The following SHMT2 variants were observed in gnomAD, a reference collection of about 807,000 sequenced individuals.
SHMT2 encodes serine hydroxymethyltransferase 2.
A neutral mutation model predicts 59.6 loss-of-function variants in SHMT2; 38 were observed. The observed-to-expected ratio is 0.64, with a 90% CI of 0.49 to 0.84. SHMT2 has a LOEUF of 0.84. Ranked by LOEUF, SHMT2 falls within the 40% of genes least tolerant of loss-of-function variation. SHMT2 has a pLI of 0.00. For missense variants in SHMT2, 533 were observed against 659.5 expected, an observed-to-expected ratio of 0.81 and a Z score of 2.10; for synonymous variants, 254 against 258.1, an observed-to-expected ratio of 0.98 and a Z score of 0.15.
In SHMT2 at chr12:57,232,236, G is replaced by A. The variant is rs1028301753; in HGVS notation, c.538G>A (p.Val180Ile). ...GHLTHGYMSD[V>I]KRISATSIFF... ...TCTCACCCACGGCTACATGTCTGAC[G>A]TCAAGCGGATATCAGCCACGTCCAT... Residue 180 changes from valine to isoleucine, a missense_variant, in exon 5 of 12, where the codon GTC becomes ATC. Transcript: ENST00000328923. 3.1e-6 allele frequency: 5 copies of A among 1,614,052 alleles called. No individual in the cohort carries two copies. The highest frequency in any genetic ancestry group is 1.1e-5 in the South Asian group (1 of 91,092).
rs777820153 is a variant in SHMT2, at chr12:57,231,473, C to T, written c.232-8C>T. 6.2e-7 allele frequency: 1 copy of T among 1,613,554 alleles called. No individual in the cohort carries two copies. Among genetic ancestry groups the T allele is most frequent in the Admixed American group, 1.7e-5 (1 of 59,952 alleles). ...AATACCTTCTGACATTGCCCCCCAC[C>T]ACCCCAGAACTTCTGCAGCCGAGCT... On this transcript the variant is annotated splice_polypyrimidine_tract_variant and splice_region_variant and intron_variant, in intron 2 of 11. Transcript: ENST00000328923.
chr12:57,234,324 C>T lies in SHMT2; in HGVS notation c.1478C>T (p.Ala493Val), dbSNP rs1397017601. 7.4e-6 allele frequency: 12 copies of T among 1,611,914 alleles called. No individual in the cohort carries two copies. Among genetic ancestry groups the T allele is most frequent in the Non-Finnish European group, 9.3e-6 (11 of 1,178,896 alleles). Residue 493 changes from alanine (A) to valine (V), a missense_variant, in exon 12 of 12, where the codon GCC becomes GTC. Transcript: ENST00000328923. ...CTCAGGCAACGGGTGGAGCAGTTTG[C>T]CAGGGCCTTCCCCATGCCTGGTTTT... The part of the protein sequence containing the change: ...ANLRQRVEQF[A>V]RAFPMPGFDE...
In SHMT2 at chr12:57,233,838, A is replaced by G. The variant is rs1354527520; in HGVS notation, c.1213A>G (p.Ile405Val). 5.6e-6 allele frequency: 9 copies of G among 1,614,222 alleles called. No individual in the cohort carries two copies. Among genetic ancestry groups the G allele is most frequent in the Non-Finnish European group, 7.6e-6 (9 of 1,180,050 alleles). ...RAERVLELVSITANKNTCPGD... is the reference protein window; with the variant it reads ...RAERVLELVSVTANKNTCPGD... ...TGAGCGGGTGCTAGAGCTTGTATCC[A>G]TCACTGCCAACAAGAACACCTGTCC... Residue 405 changes from isoleucine (I) to valine (V), a missense_variant, in exon 10 of 12, where the codon ATC (isoleucine) becomes GTC (valine). Physicochemically the swap from Ile to Val is conservative, Grantham distance 29. Transcript: ENST00000328923.
intron 1 of SHMT2, chr12:57,230,539 G>A: frequency 7.4e-7 from 1 of 1,350,996 alleles, no homozygotes; most frequent in Non-Finnish European, 9.6e-7. Flanking sequence ...GACAAGCTTT[G>A]CAGAGTGGTT....
rs573394633 is a variant in SHMT2 at position 57,231,553 on chromosome 12, G to A, written c.304G>A (p.Gly102Ser). The A allele has an allele frequency of 6.2e-7, 1 of 1,614,200 alleles. No individual in the cohort carries two copies. The highest frequency in any genetic ancestry group is 1.7e-5 in the Admixed American group (1 of 60,024). The change falls in exon 3 of 12, where the codon GGC (glycine) becomes AGC (serine). Residue 102 changes from glycine (G) to serine (S), a missense_variant. Gly to Ser is a moderately conservative substitution (Grantham distance 56). Transcript: ENST00000328923. ...LNNKYSEGYP[G>S]KRYYGGAEVV... ...CAACAAGTACTCGGAGGGTTATCCT[G>A]GCAAGAGGTGAGGGCTGGAGGGCAG...
At position 57,231,985 on chromosome 12, in the gene SHMT2, C is replaced by A. The variant is rs1463927237; in HGVS notation, c.512+72C>A. The A allele has an allele frequency of 1.2e-5, 17 of 1,469,952 alleles. No individual in the cohort carries two copies. The Middle Eastern group carries it at 1.6e-3, about 134-fold the overall frequency. The allele number at this position is 1,469,952 out of a possible 1,614,324, so 91.1% of individuals were successfully genotyped here. ...TGGGAAAGGAGTTATTTATTGAATA[C>A]CTACTGTGGACCATACAGATGGAAC... On this transcript the variant is annotated intron_variant, in intron 4 of 11. Coordinates refer to ENST00000328923, the MANE Select transcript of SHMT2 (RefSeq NM_005412.6).
At chr12:57,232,605 C>T (rs928635466) in intron 6 of SHMT2, 30 bp downstream of exon 6, 1 of 1,613,716 alleles carries the variant, frequency 6.2e-7, no homozygotes. Flanking sequence ...GACTGGGCAC[C>T]TCCCCAGGGG....
chr12:57,232,947 T>C, intron 7 of SHMT2, 104 bp downstream of exon 7: 1 of 1,460,316 alleles, frequency 6.8e-7, no homozygotes, highest in Non-Finnish European at 9.3e-7. Flanking sequence ...CCTGCAGCCC[T>C]TAAGACTCCT....
At position 57,233,771 on chromosome 12, in the gene SHMT2, G is replaced by C. The variant is rs1351112171; in HGVS notation, c.1146G>C (p.Val382=). The part of the protein sequence containing the change: ...LVSGGTDNHL[V]LVDLRPKGLD... ...TAGGTGGTACTGACAACCACCTGGTGCTGGTGGACCTGCGGCCCAAGGGCC... is the reference window on the plus strand; with the variant it reads ...TAGGTGGTACTGACAACCACCTGGTCCTGGTGGACCTGCGGCCCAAGGGCC... Residue 382 remains valine (V), a synonymous_variant, in exon 10 of 12, where the codon GTG becomes GTC. Transcript: ENST00000328923. 6.2e-7 allele frequency: 1 copy of C among 1,614,250 alleles called. No individual in the cohort carries two copies. Among genetic ancestry groups the C allele is most frequent in the Non-Finnish European group, 8.5e-7 (1 of 1,180,032 alleles).
rs765960509 is a variant in SHMT2 at position 57,231,699 on chromosome 12, C to G, written c.312-14C>G. ...TCCTTTCTCTGTGCCCTCATTACCC[C>G]TCTCCCACGGCAGATACTATGGGGG... On this transcript the variant is annotated splice_polypyrimidine_tract_variant and intron_variant, in intron 3 of 11. Transcript: ENST00000328923. The G allele has an allele frequency of 2.5e-6, 4 of 1,613,942 alleles. No homozygotes were observed. The Admixed American group carries it at 6.7e-5, about 27-fold the overall frequency.
intron 1 of SHMT2, chr12:57,230,468 T>G: frequency 8.3e-7 from 1 of 1,205,096 alleles, no homozygotes; most frequent in Non-Finnish European, 1.0e-6. Context: ...TTCCTGTGGG[T>G]GGGAAGGTTC....
chr12:57,233,399 A>C, intron 8 of SHMT2, 54 bp downstream of exon 8: 1 of 1,540,332 alleles, frequency 6.5e-7, no homozygotes, highest in Non-Finnish European at 8.8e-7. Flanking sequence ...GGAGGCTTAG[A>C]CCCTGCACCT....
chr12:57,234,587 T>C lies in SHMT2; in HGVS notation c.*226T>C. ...GAAGGAGGGCCCAGGCACTTTCTGT[T>C]TGAACCCCTGTCATGATCACAGTGT... On this transcript the variant is annotated 3_prime_UTR_variant, in exon 12 of 12. Coordinates refer to ENST00000328923, the MANE Select transcript of SHMT2 (RefSeq NM_005412.6). 2.4e-6 allele frequency: 1 copy of C among 424,392 alleles called. No homozygotes were observed. 26.3% of individuals were successfully genotyped at this position (424,392 alleles called of 1,614,324 possible).
At chr12:57,230,711 G>A (rs982992703) in intron 1 of SHMT2, 92 bp from the exon 2 acceptor site, 5 of 1,514,880 alleles carry the variant, frequency 3.3e-6, no homozygotes, top group Non-Finnish European at 4.4e-6. Flanking sequence ...ACAACTGGCA[G>A]CTTGGTGTGG....
In SHMT2 at chr12:57,232,863, G is replaced by A; in HGVS notation, c.857+20G>A. 6.3e-7 allele frequency: 1 copy of A among 1,596,560 alleles called. No individual in the cohort carries two copies. Among genetic ancestry groups the A allele is most frequent in the Non-Finnish European group, 8.6e-7 (1 of 1,165,870 alleles). On this transcript the variant is annotated intron_variant, in intron 7 of 11. Transcript: ENST00000328923. Reference sequence around the variant, plus strand: ...GGCCAGGTCAGGCTCCCTGAGGTCGGGCCTTGCCTTTCCCTGCCTTCAGGC... The same window carrying A: ...GGCCAGGTCAGGCTCCCTGAGGTCGAGCCTTGCCTTTCCCTGCCTTCAGGC...
Position 57,231,441 on chromosome 12 carries a change from G to A in SHMT2, c.232-40G>A, listed in dbSNP as rs1199562301. ...GAGGGACTGTGGGAGTCCAGGGGAA[G>A]GGGCTCAATACCTTCTGACATTGCC... On this transcript the variant is annotated intron_variant, in intron 2 of 11. Transcript: ENST00000328923. 5 of 1,602,844 alleles carry A rather than the reference G, an allele frequency of 3.1e-6. No homozygotes were observed. The Admixed American group carries it at 8.5e-5, about 27-fold the overall frequency.
intron 2 of SHMT2, chr12:57,231,214 T>C: frequency 1.7e-6 from 1 of 581,506 alleles, no homozygotes; most frequent in Non-Finnish European, 3.0e-6. Flanking sequence ...TACAGTTTCA[T>C]CTGATCCCTT....
At chr12:57,231,102 G>A in intron 2 of SHMT2, 102 bp downstream of exon 2, 1 of 1,167,962 alleles carries the variant, frequency 8.6e-7, no homozygotes, top group Admixed American at 2.1e-5. Flanking sequence ...TCACACTCAG[G>A]ACCTTTCTTT....
rs2037488376 is a variant in SHMT2, at chr12:57,234,817, C to T, written c.*456C>T. 1 of 156,094 alleles carries T rather than the reference C, an allele frequency of 6.4e-6. No homozygotes were observed. The highest frequency in any genetic ancestry group is 2.4e-5 in the African/African-American group (1 of 41,432). The allele number at this position is 156,094 out of a possible 1,614,324, so 9.7% of individuals were successfully genotyped here. A position where few individuals can be genotyped will look rare whatever the true frequency, so the allele number is the denominator to read the frequency against. The stretch of plus-strand genomic sequence containing the variant: ...GTACACCGCTCCGCTCCCACCACCG[C>T]TACCACAAGGACCCCCGGGGCTGCA... On this transcript the variant is annotated 3_prime_UTR_variant, in exon 12 of 12. Transcript: ENST00000328923.
Sources: allele counts gnomAD v4.1 joint callset, GRCh38; gene constraint gnomAD v4.1.1; transcripts MANE v1.5; gene names NCBI Gene and HGNC (gene_info 2026-07-23, HGNC 2026-07-21).